The following LRCH3 variants were observed in gnomAD, a reference collection of about 807,000 sequenced individuals.
LRCH3 encodes DISP complex protein LRCH3.
Under a neutral mutation model 104.5 loss-of-function variants are expected in LRCH3, and 68 were observed. The ratio of observed to expected loss-of-function variants is 0.65; its 90% confidence interval spans 0.54 to 0.80. The LOEUF (loss-of-function observed/expected upper bound fraction) is 0.80, where lower values mean the gene tolerates loss of function less well. Among genes scored for constraint, LRCH3 ranks in the 30% least tolerant of loss-of-function variants. The pLI, the probability that LRCH3 is intolerant of heterozygous loss-of-function variation, is 0.00. For missense variants in LRCH3, 951 were observed against 953.9 expected (o/e 1.00, Z 0.04); for synonymous variants, 344 against 361.3 (o/e 0.95, Z 0.54).
rs138474181 is a variant in LRCH3, at chr3:197,871,898, C to A, written c.2130+436C>A. Among the ~76,000 whole-genome samples, 415 of 152,224 alleles carry A rather than the reference C, an allele frequency of 2.7e-3. 1 individual carries two copies. The highest frequency in any genetic ancestry group is 3.9e-3 in the Non-Finnish European group (268 of 68,014). ...AATTGGTAAATTGTTCAGAATGGAT[C>A]GTGCACAGGGTTGTAATACAAATGG... is the stretch of plus-strand genomic sequence containing the variant. On this transcript the variant is annotated intron_variant, in intron 19 of 20. Transcript: ENST00000425562.
chr3:197,866,507 CT>C (rs1201607433), intron 17 of LRCH3, among the ~76,000 whole-genome samples: 2 of 152,150 alleles, frequency 1.3e-5, no homozygotes, highest in Non-Finnish European at 2.9e-5. Flanking sequence ...GTAATGAACT[CT>C]TTTTCACATT....
At chr3:197,816,572 G>A (rs1215615730) in intron 2 of LRCH3, among the ~76,000 whole-genome samples, 2 of 152,256 alleles carry the variant, frequency 1.3e-5, no homozygotes, top group East Asian at 1.9e-4. Flanking sequence ...GAGCCACTGC[G>A]CCCAGCCGAT....
chr3:197,792,606 A>ATATATATATATATATATATAT (rs1233845852), intron 1 of LRCH3, among the ~76,000 whole-genome samples: 18 of 37,976 alleles, frequency 4.7e-4, no homozygotes, highest in South Asian at 1.2e-3. Context: ...TATATATATA[A>ATATATATATATATATATATAT]AATATACATA....
intron 10 of LRCH3, 34 bp downstream of exon 10, chr3:197,839,431 G>T (rs1391513093): frequency 7.3e-7 from 1 of 1,373,712 alleles, no homozygotes; most frequent in African/African-American, 1.5e-5. Context: ...ATTTGTTTCT[G>T]TCTTAATCAT....
chr3:197,803,161 G>T (rs1280240285), intron 1 of LRCH3, among the ~76,000 whole-genome samples: 3 of 152,160 alleles, frequency 2.0e-5, no homozygotes, highest in African/African-American at 7.2e-5. Context: ...TAGTGAAGGA[G>T]GCTTTCTCTG....
Position 197,820,342 on chromosome 3 carries a change from A to T in LRCH3, c.552A>T (p.Glu184Asp), listed in dbSNP as rs372121796. ...HLMELDVSCN[E>D]IQTIPSQIGN... ...CGAAATAGGATGTGAGCTGCAATGA[A>T]ATTCAAACTATACCTTCCCAAATTG... is the stretch of plus-strand genomic sequence containing the variant. The change falls in exon 4 of 21, where the codon GAA (glutamate) becomes GAT (aspartate). Residue 184 changes from glutamate (E) to aspartate (D), a missense_variant. By Grantham distance (45) the Glu-to-Asp change is conservative. Coordinates refer to ENST00000425562, the MANE Select transcript of LRCH3 (RefSeq NM_001365715.1). 26 of 1,611,266 alleles carry T rather than the reference A, an allele frequency of 1.6e-5. No individual in the cohort carries two copies. The highest frequency in any genetic ancestry group is 2.0e-5 in the Non-Finnish European group (23 of 1,177,702).
At chr3:197,855,775 A>G (rs1044185690) in intron 14 of LRCH3, among the ~76,000 whole-genome samples, 19 of 152,238 alleles carry the variant, frequency 1.2e-4, no homozygotes, top group Non-Finnish European at 2.5e-4. Flanking sequence ...TTGTCAAAAC[A>G]CACTCACTTA....
At chr3:197,826,836 A>G in intron 4 of LRCH3, 42 bp from the exon 5 acceptor site, 1 of 1,612,194 alleles carries the variant, frequency 6.2e-7, no homozygotes, top group East Asian at 2.2e-5. Context: ...CTCTAGTTGT[A>G]AAACATCATT....
At chr3:197,822,400 A>G (rs1053178713) in intron 4 of LRCH3, among the ~76,000 whole-genome samples, 1 of 152,238 alleles carries the variant, frequency 6.6e-6, no homozygotes, top group African/African-American at 2.4e-5. Context: ...CTATAATAAT[A>G]TTTAGTGTGA....
In LRCH3 at chr3:197,829,556, T is replaced by G; in HGVS notation, c.778-8T>G. ...ATAATTTGGCTACATCTGTGTGACT[T>G]TATTTAGATATGTATAAAAGGCAAA... is the stretch of plus-strand genomic sequence containing the variant. On this transcript the variant is annotated splice_region_variant and splice_polypyrimidine_tract_variant and intron_variant, in intron 5 of 20. Coordinates refer to ENST00000425562, the MANE Select transcript of LRCH3 (RefSeq NM_001365715.1). 1 of 1,584,264 alleles carries G rather than the reference T, an allele frequency of 6.3e-7. No homozygotes were observed. Among genetic ancestry groups the G allele is most frequent in the Non-Finnish European group, 8.6e-7 (1 of 1,162,006 alleles).
At position 197,885,980 on chromosome 3, in the gene LRCH3, T is replaced by C. The variant is rs200087205; in HGVS notation, c.*2314T>C. 1 of 152,338 alleles carries C rather than the reference T, an allele frequency of 6.6e-6. No individual in the cohort carries two copies. The highest frequency in any genetic ancestry group is 1.9e-4 in the East Asian group (1 of 5,186). The allele number at this position is 152,338 out of a possible 1,614,324, so 9.4% of individuals were successfully genotyped here. On this transcript the variant is annotated 3_prime_UTR_variant, in exon 21 of 21. Coordinates refer to ENST00000425562, the MANE Select transcript of LRCH3 (RefSeq NM_001365715.1). ...CATGTTGAATACCTGGTCAAAGTAATGTTTTCTTCCTTGTTCTTGCAGAGA... is the reference window on the plus strand; with the variant it reads ...CATGTTGAATACCTGGTCAAAGTAACGTTTTCTTCCTTGTTCTTGCAGAGA...
chr3:197,812,096 T>C (rs1459270887), intron 1 of LRCH3, among the ~76,000 whole-genome samples: 2 of 152,206 alleles, frequency 1.3e-5, no homozygotes, highest in Non-Finnish European at 2.9e-5. Flanking sequence ...CATACTGTTG[T>C]GCAGCTATCA....
At chr3:197,864,489 A>T (rs1741231103) in intron 15 of LRCH3, among the ~76,000 whole-genome samples, 1 of 148,750 alleles carries the variant, frequency 6.7e-6, no homozygotes, top group Admixed American at 6.6e-5. Context: ...GCATGCCTGT[A>T]ATCCCAGCTA....
At chr3:197,798,273 T>A (rs746606643) in intron 1 of LRCH3, among the ~76,000 whole-genome samples, 110 of 150,806 alleles carry the variant, frequency 7.3e-4, no homozygotes, top group African/African-American at 2.0e-3. Flanking sequence ...AAAAAATAAA[T>A]AAATAAATAA....
chr3:197,832,127 G>A lies in LRCH3; in HGVS notation c.982-70G>A, dbSNP rs552352852. ...TCCTCCTGCTTTGGTCTCCCAAAGC[G>A]CATGGATTACAGGCATGATCTGCCA... On this transcript the variant is annotated intron_variant, in intron 7 of 20. Coordinates refer to ENST00000425562, the MANE Select transcript of LRCH3 (RefSeq NM_001365715.1). 55 of 1,505,642 alleles carry A rather than the reference G, an allele frequency of 3.7e-5. 1 individual carries two copies. In the Middle Eastern group the frequency reaches 1.1e-3, roughly 31 times the overall value. The allele number at this position is 1,505,642 out of a possible 1,614,324, so 93.3% of individuals were successfully genotyped here. A position where few individuals can be genotyped will look rare whatever the true frequency, so the allele number is the denominator to read the frequency against.
In LRCH3 at chr3:197,883,056, C is replaced by T. The variant is rs1343618406; in HGVS notation, c.2209-485C>T. 4.1e-6 allele frequency: 4 copies of T among 985,684 alleles called. No homozygotes were observed. The highest frequency in any genetic ancestry group is 1.1e-4 in the East Asian group (1 of 8,848). The allele number at this position is 985,684 out of a possible 1,614,324, so 61.1% of individuals were successfully genotyped here. A position where few individuals can be genotyped will look rare whatever the true frequency, so the allele number is the denominator to read the frequency against. ...ACAGTCAGGATTATAATGCAGATAG[C>T]GTAGAACTCATGCAGGCTGAGTTAT... On this transcript the variant is annotated intron_variant, in intron 20 of 20. Transcript: ENST00000425562. The surrounding 1 kb of genome is among the most constrained non-coding windows in gnomAD (Gnocchi z 4.2).
At chr3:197,826,423 G>A (rs569329824) in intron 4 of LRCH3, among the ~76,000 whole-genome samples, 10 of 152,122 alleles carry the variant, frequency 6.6e-5, no homozygotes, top group African/African-American at 2.4e-4. Flanking sequence ...TCATCCTATT[G>A]TGCCTGGGAT....
At chr3:197,792,261 A>C (rs1730614597) in intron 1 of LRCH3, among the ~76,000 whole-genome samples, 2 of 151,704 alleles carry the variant, frequency 1.3e-5, no homozygotes, top group Admixed American at 6.6e-5. Context: ...TCCACTCCTC[A>C]TGTCCTCCAA....
chr3:197,828,703 C>CTTTT (rs752665561), intron 5 of LRCH3, among the ~76,000 whole-genome samples: 2 of 112,826 alleles, frequency 1.8e-5, no homozygotes, highest in African/African-American at 3.4e-5. Flanking sequence ...ATATGTTACT[C>CTTTT]TTTTTTTTTT....
Sources: gnomAD v4.1 joint callset for allele counts (sites outside exome capture counted in the v4.1 genomes callset) on GRCh38, gnomAD v4.1.1 for gene constraint, Gnocchi (gnomAD v3.1) non-coding constraint, MANE v1.5 for transcripts, NCBI Gene and HGNC (gene_info 2026-07-23, HGNC 2026-07-21) for gene names.